Variants in ADAMTS18 observed in about 807,000 individuals in gnomAD.
ADAMTS18 encodes the protein A disintegrin and metalloproteinase with thrombospondin motifs 18.
Under a neutral mutation model 165.9 loss-of-function variants are expected in ADAMTS18, and 157 were observed. The observed-to-expected ratio is 0.95, with a 90% CI of 0.83 to 1.08. The LOEUF (loss-of-function observed/expected upper bound fraction) is 1.08, where lower values mean the gene tolerates loss of function less well. Ranked by LOEUF, ADAMTS18 falls within the 50% of genes least tolerant of loss-of-function variation. The pLI, the probability that ADAMTS18 is intolerant of heterozygous loss-of-function variation, is 0.00. For missense variants in ADAMTS18, 2,040 were observed against 1,534.0 expected (o/e 1.33, Z -5.51); for synonymous variants, 782 against 578.2 (o/e 1.35, Z -5.06).
chr16:77,396,505 A>T (rs891572399), intron 3 of ADAMTS18, among the ~76,000 whole-genome samples: 1 of 152,230 alleles, frequency 6.6e-6, no homozygotes. Context: ...GGAAGTCGTT[A>T]TTAGAAACAC....
At chr16:77,301,448 C>A (rs973528225) in intron 16 of ADAMTS18, among the ~76,000 whole-genome samples, 3 of 152,190 alleles carry the variant, frequency 2.0e-5, no homozygotes, top group African/African-American at 4.8e-5. Flanking sequence ...CTTAACTACT[C>A]CTCTTTCTTC....
chr16:77,324,180 A>C (rs984522602), intron 13 of ADAMTS18, among the ~76,000 whole-genome samples: 12 of 152,238 alleles, frequency 7.9e-5, no homozygotes, highest in Admixed American at 5.9e-4. Context: ...GAGGAAGTAA[A>C]AGGAGGGACA....
At chr16:77,338,545 C>A (rs757146608) in intron 11 of ADAMTS18, among the ~76,000 whole-genome samples, 28 of 151,994 alleles carry the variant, frequency 1.8e-4, no homozygotes, top group Non-Finnish European at 3.7e-4. Context: ...GCCCAGCATA[C>A]ATATTTCTGG....
chr16:77,297,995 G>C (rs2055507737), intron 17 of ADAMTS18, among the ~76,000 whole-genome samples: 1 of 135,034 alleles, frequency 7.4e-6, no homozygotes, highest in Admixed American at 8.6e-5. Flanking sequence ...CGTGATCTTG[G>C]CTCACTGCAA....
intron 4 of ADAMTS18, among the ~76,000 whole-genome samples, chr16:77,365,797 A>G (rs760787867): frequency 3.9e-5 from 6 of 152,256 alleles, no homozygotes; most frequent in Non-Finnish European, 8.8e-5. Context: ...AGCTCCCTAC[A>G]GAGTAAAATT....
At chr16:77,298,031 T>C (rs1267063154) in intron 17 of ADAMTS18, among the ~76,000 whole-genome samples, 1 of 149,252 alleles carries the variant, frequency 6.7e-6, no homozygotes, top group Non-Finnish European at 1.5e-5. Flanking sequence ...TTCAAGCGAT[T>C]CTCCTGCCTC....
At chr16:77,374,193 T>G in intron 3 of ADAMTS18, among the ~76,000 whole-genome samples, 1 of 143,200 alleles carries the variant, frequency 7.0e-6, no homozygotes, top group Non-Finnish European at 1.5e-5. Flanking sequence ...CATTCCAACC[T>G]GGGCAACAGA....
At chr16:77,285,899 G>A (rs368112571) in intron 22 of ADAMTS18, among the ~76,000 whole-genome samples, 1 of 152,150 alleles carries the variant, frequency 6.6e-6, no homozygotes. Context: ...GAGTTGACAA[G>A]TCCTTGTTCT....
chr16:77,408,612 T>G (rs886233969), intron 3 of ADAMTS18, among the ~76,000 whole-genome samples: 1 of 152,184 alleles, frequency 6.6e-6, no homozygotes, highest in Non-Finnish European at 1.5e-5. Flanking sequence ...ATTAGAGCAC[T>G]CTATTGATTG....
At chr16:77,304,651 G>T (rs1238207384) in intron 16 of ADAMTS18, among the ~76,000 whole-genome samples, 1 of 152,130 alleles carries the variant, frequency 6.6e-6, no homozygotes, top group Admixed American at 6.6e-5. Context: ...AGCAGTAAGG[G>T]AACAAATCCA....
chr16:77,363,663 G>C (rs141604988), intron 6 of ADAMTS18, 139 bp downstream of exon 6: 9 of 661,612 alleles, frequency 1.4e-5, no homozygotes, highest in Non-Finnish European at 2.4e-5. Flanking sequence ...TTTTAAAATT[G>C]TACTTTGAGG....
chr16:77,324,184 A>T (rs1234771066), intron 13 of ADAMTS18, among the ~76,000 whole-genome samples: 1 of 152,244 alleles, frequency 6.6e-6, no homozygotes, highest in South Asian at 2.1e-4. Flanking sequence ...AAGTAAAAGG[A>T]GGGACAACAG....
intron 4 of ADAMTS18, among the ~76,000 whole-genome samples, 177 bp from the exon 5 acceptor site, chr16:77,364,558 GA>G (rs1206138887): frequency 6.9e-6 from 1 of 144,768 alleles, no homozygotes; most frequent in Non-Finnish European, 1.5e-5. Context: ...ATGTGGTCAA[GA>G]AGGGCCTACT....
intron 22 of ADAMTS18, 143 bp from the exon 23 acceptor site, chr16:77,284,214 T>C (rs111756027): frequency 0.14 from 87,006 of 623,118 alleles, 6,982 homozygotes; most frequent in African/African-American, 0.25. Flanking sequence ...CAATCTCTGC[T>C]GCCCAGGTTC....
chr16:77,427,424 A>G (rs1411899340), intron 3 of ADAMTS18, among the ~76,000 whole-genome samples: 1 of 152,210 alleles, frequency 6.6e-6, no homozygotes, highest in African/African-American at 2.4e-5. Context: ...CACCAATGTC[A>G]TGGCTTGCTG....
At chr16:77,374,543 C>A (rs1016634017) in intron 3 of ADAMTS18, among the ~76,000 whole-genome samples, 1 of 152,108 alleles carries the variant, frequency 6.6e-6, no homozygotes, top group Non-Finnish European at 1.5e-5. Flanking sequence ...CATTTAAAGT[C>A]CCTCACAGAA....
intron 9 of ADAMTS18, 62 bp downstream of exon 9, chr16:77,355,878 A>G: frequency 6.2e-7 from 1 of 1,602,286 alleles, no homozygotes; most frequent in Admixed American, 1.7e-5. Context: ...TTGCAGGTCT[A>G]TGGAGCACAA....
chr16:77,293,755 A>G (rs1195421548), intron 19 of ADAMTS18, among the ~76,000 whole-genome samples: 1 of 148,950 alleles, frequency 6.7e-6, no homozygotes, highest in African/African-American at 2.5e-5. Flanking sequence ...TCTCATAAGT[A>G]ACATGCATCC....
intron 16 of ADAMTS18, among the ~76,000 whole-genome samples, chr16:77,304,743 G>A (rs930884290): frequency 5.3e-5 from 8 of 152,230 alleles, no homozygotes; most frequent in Non-Finnish European, 7.3e-5. Flanking sequence ...TGCTGTACAT[G>A]TTCTTAGGAA....
Sources: gnomAD v4.1 joint callset for allele counts (sites outside exome capture counted in the v4.1 genomes callset) on GRCh38, gnomAD v4.1.1 for gene constraint, MANE v1.5 for transcripts, NCBI Gene and HGNC (gene_info 2026-07-23, HGNC 2026-07-21) for gene names.